Variants in CSMD1 observed in about 807,000 individuals in gnomAD.
CSMD1 encodes CUB and Sushi multiple domains 1.
In CSMD1, 213 loss-of-function variants were observed where a neutral mutation model predicts 417.5. That is an observed-to-expected ratio of 0.51 (90% CI 0.46 to 0.57). The LOEUF is 0.57. CSMD1 is among the 20% of genes least tolerant of loss of function. The pLI, the probability that CSMD1 is intolerant of heterozygous loss-of-function variation, is 0.00. For synonymous variants in CSMD1, 2,862 were observed against 1,736.8 expected (o/e 1.65, Z -16.11); for missense variants, 6,923 against 4,529.7 (o/e 1.53, Z -15.17).
At chr8:4,018,331 T>C (rs1216506056) in intron 4 of CSMD1, among the ~76,000 whole-genome samples, 2 of 152,220 alleles carry the variant, frequency 1.3e-5, no homozygotes, top group South Asian at 2.1e-4. Context: ...GGCTTAAATG[T>C]GTATTCATTT....
intron 1 of CSMD1, among the ~76,000 whole-genome samples, chr8:4,735,633 G>A (rs1448956914): frequency 6.6e-6 from 1 of 152,132 alleles, no homozygotes. Context: ...ATGATGAGAA[G>A]ACTAATAGAA....
chr8:4,198,560 G>T (rs776847941), intron 3 of CSMD1, among the ~76,000 whole-genome samples: 2 of 152,120 alleles, frequency 1.3e-5, no homozygotes, highest in Non-Finnish European at 2.9e-5. Context: ...ACACTTTCAG[G>T]AACGTGCACA....
chr8:3,471,965 T>C (rs564583939), intron 11 of CSMD1, among the ~76,000 whole-genome samples: 2 of 152,180 alleles, frequency 1.3e-5, no homozygotes, highest in East Asian at 3.9e-4. Flanking sequence ...CCCTTTGGGA[T>C]TACAGGTGAT....
In CSMD1 at chr8:3,715,312, G is replaced by T. The variant is rs181169662; in HGVS notation, c.932-6821C>A. Among the ~76,000 whole-genome samples, 104 of 152,224 alleles carry T rather than the reference G, an allele frequency of 6.8e-4. 1 individual carries two copies. The highest frequency in any genetic ancestry group is 2.3e-3 in the African/African-American group (97 of 41,534). On this transcript the variant is annotated intron_variant, in intron 6 of 69. Transcript: ENST00000635120. ...TGCTGATACACTGTAAACATCAGTA[G>T]GAGCTATGTCTCTACTGTGGTTGTT...
chr8:4,850,160 G>C (rs937245362), intron 1 of CSMD1, among the ~76,000 whole-genome samples: 1 of 151,938 alleles, frequency 6.6e-6, no homozygotes, highest in Admixed American at 6.6e-5. Context: ...TGTGAATATT[G>C]GTATTTGTAA....
intron 3 of CSMD1, among the ~76,000 whole-genome samples, chr8:4,323,491 T>TC (rs1799383687): frequency 1.0e-4 from 2 of 19,160 alleles, no homozygotes; most frequent in African/African-American, 1.7e-3. Flanking sequence ...GGGCTTTCTC[T>TC]GAAACCTGTT....
chr8:4,008,404 GTATTA>G (rs925186239), intron 4 of CSMD1, among the ~76,000 whole-genome samples: 29 of 151,486 alleles, frequency 1.9e-4, no homozygotes, highest in African/African-American at 6.0e-4. Flanking sequence ...ACACTAATAT[GTATTA>G]TATAATTTTT....
At chr8:3,664,165 A>G (rs888284975) in intron 7 of CSMD1, among the ~76,000 whole-genome samples, 2 of 152,076 alleles carry the variant, frequency 1.3e-5, no homozygotes, top group African/African-American at 4.8e-5. Context: ...TATTTCCCCT[A>G]ATACTATCCC....
At chr8:3,858,001 C>A (rs1218537882) in intron 5 of CSMD1, among the ~76,000 whole-genome samples, 1 of 152,182 alleles carries the variant, frequency 6.6e-6, no homozygotes, top group Non-Finnish European at 1.5e-5. Flanking sequence ...GGTCTCTGCA[C>A]AAGATTGCTC....
In CSMD1 at chr8:3,473,397, A is replaced by G. The variant is rs1484737304; in HGVS notation, c.1449-4573T>C. Among the ~76,000 whole-genome samples, 2 of 152,316 alleles carry G rather than the reference A, an allele frequency of 1.3e-5. 1 individual carries two copies. The highest frequency in any genetic ancestry group is 6.8e-3 in the Middle Eastern group (2 of 294). On this transcript the variant is annotated intron_variant, in intron 11 of 69. Transcript: ENST00000635120. The stretch of plus-strand genomic sequence containing the variant: ...ATTATAGTTATTTTAAAGCTGATTA[A>G]CTTACAAAAATTTCATACAGTAAAA...
chr8:3,934,888 T>C (rs1810378811), intron 5 of CSMD1, among the ~76,000 whole-genome samples: 1 of 152,020 alleles, frequency 6.6e-6, no homozygotes, highest in Non-Finnish European at 1.5e-5. Flanking sequence ...AATTGGTATA[T>C]CTGTTTGAGT....
chr8:4,031,707 A>G (rs79839776), intron 4 of CSMD1, among the ~76,000 whole-genome samples, 198 bp downstream of exon 4: 1,583 of 152,326 alleles, frequency 0.01, 30 homozygotes, highest in African/African-American at 0.036. Flanking sequence ...ATGCAATATT[A>G]AATGTTATTA....
intron 5 of CSMD1, among the ~76,000 whole-genome samples, chr8:3,824,665 G>A (rs1238086152): frequency 6.6e-6 from 1 of 152,042 alleles, no homozygotes; most frequent in African/African-American, 2.4e-5. Context: ...GTTATATATT[G>A]AGTTAATGAT....
chr8:4,462,756 G>A (rs1274537751), intron 2 of CSMD1, among the ~76,000 whole-genome samples: 1 of 152,086 alleles, frequency 6.6e-6, no homozygotes, highest in Non-Finnish European at 1.5e-5. Flanking sequence ...TTCAATAAAT[G>A]GTGCTCAGAC....
intron 5 of CSMD1, among the ~76,000 whole-genome samples, chr8:3,979,073 A>G (rs78957667): frequency 0.011 from 1,740 of 152,334 alleles, 35 homozygotes; most frequent in African/African-American, 0.04. Flanking sequence ...TCAGATGTGC[A>G]CAGCGACCTT....
Position 4,014,533 on chromosome 8 carries a change from G to A in CSMD1, c.611-16423C>T, listed in dbSNP as rs114992226. Among the ~76,000 whole-genome samples, 766 of 152,174 alleles carry A rather than the reference G, an allele frequency of 5.0e-3. 9 individuals carry two copies. Among genetic ancestry groups the A allele is most frequent in the African/African-American group, 0.017 (724 of 41,504 alleles). ...CCTTACTCTTCAAGGACTACTATGC[G>A]ATCCTAATAGCCGTTATTGGTATTA... On this transcript the variant is annotated intron_variant, in intron 4 of 69. Coordinates refer to ENST00000635120, the MANE Select transcript of CSMD1 (RefSeq NM_033225.6).
Position 4,455,588 on chromosome 8 carries a change from T to C in CSMD1, c.303-35523A>G, listed in dbSNP as rs73660859. 4.8e-3 allele frequency among the ~76,000 whole-genome samples: 729 copies of C among 152,102 alleles called. 9 individuals carry two copies. Among genetic ancestry groups the C allele is most frequent in the African/African-American group, 0.017 (692 of 41,496 alleles). On this transcript the variant is annotated intron_variant, in intron 2 of 69. Coordinates refer to ENST00000635120, the MANE Select transcript of CSMD1 (RefSeq NM_033225.6). ...CTGCTTGTGAGATCAAATTGACAAA[T>C]TGTGAATTTTTAAATCATCTTATTT...
intron 3 of CSMD1, among the ~76,000 whole-genome samples, chr8:4,258,707 C>A (rs183352334): frequency 2.5e-3 from 382 of 152,028 alleles, no homozygotes; most frequent in African/African-American, 8.6e-3. Context: ...TACCATCACA[C>A]TGGGATGAGG....
rs929245263 is a variant in CSMD1, at chr8:2,944,364, C to G, written c.10403-1760G>C. On this transcript the variant is annotated intron_variant, in intron 68 of 69. Coordinates refer to ENST00000635120, the MANE Select transcript of CSMD1 (RefSeq NM_033225.6). ...GTGTATGTGTGCACTGAGGGTGGTC[C>G]CAGCAGCAGCAGTGGTGCAGCAGTG... 2.0e-5 allele frequency among the ~76,000 whole-genome samples: 3 copies of G among 152,186 alleles called. No individual in the cohort carries two copies. In the South Asian group the frequency reaches 6.2e-4, roughly 32 times the overall value.
Sources: allele counts gnomAD v4.1 joint callset (sites outside exome capture counted in the v4.1 genomes callset), GRCh38; gene constraint gnomAD v4.1.1; transcripts MANE v1.5; gene names NCBI Gene and HGNC (gene_info 2026-07-23, HGNC 2026-07-21).